The following HS2ST1 variants were observed in gnomAD, a reference collection of about 807,000 sequenced individuals.
HS2ST1 encodes heparan sulfate 2-O-sulfotransferase 1, also known as 2-O-sulfotransferase.
A neutral mutation model predicts 42.9 loss-of-function variants in HS2ST1; 18 were observed. That is an observed-to-expected ratio of 0.42 (90% CI 0.29 to 0.62). HS2ST1 has a LOEUF of 0.62. Ranked by LOEUF, HS2ST1 falls within the 20% of genes least tolerant of loss-of-function variation. The pLI, the probability that HS2ST1 is intolerant of heterozygous loss-of-function variation, is 0.21. For missense variants in HS2ST1, 334 were observed against 433.8 expected, an observed-to-expected ratio of 0.77 and a Z score of 2.04; for synonymous variants, 146 against 152.9, an observed-to-expected ratio of 0.95 and a Z score of 0.33.
intron 1 of HS2ST1, among the ~76,000 whole-genome samples, chr1:87,027,066 G>A (rs1425711913): frequency 8.5e-5 from 13 of 152,118 alleles, no homozygotes. Context: ...GAAAATATGA[G>A]TAAGTTAACA....
intron 1 of HS2ST1, among the ~76,000 whole-genome samples, chr1:86,919,870 T>A (rs1438928215): frequency 1.3e-5 from 2 of 152,214 alleles, no homozygotes; most frequent in Admixed American, 1.3e-4. Context: ...AGTTAATACT[T>A]CATTGTATTA....
At chr1:86,962,985 A>G (rs533425978) in intron 1 of HS2ST1, among the ~76,000 whole-genome samples, 1 of 152,172 alleles carries the variant, frequency 6.6e-6, no homozygotes, top group Admixed American at 6.5e-5. Flanking sequence ...ACCCCTAGAA[A>G]AAGGTGGTAG....
intron 1 of HS2ST1, among the ~76,000 whole-genome samples, chr1:87,027,215 C>G (rs1288664653): frequency 6.6e-6 from 1 of 152,174 alleles, no homozygotes; most frequent in Non-Finnish European, 1.5e-5. Context: ...CTTCCACACC[C>G]TATTTGGTAT....
chr1:87,025,194 C>G (rs1570494088), intron 1 of HS2ST1, among the ~76,000 whole-genome samples: 1 of 148,722 alleles, frequency 6.7e-6, no homozygotes, highest in South Asian at 2.2e-4. Flanking sequence ...AAGTGAAGAA[C>G]AGGGGACCTG....
In HS2ST1 at chr1:87,080,842, G is replaced by A. The variant is rs199499224; in HGVS notation, c.364-3352G>A. On this transcript the variant is annotated intron_variant, in intron 2 of 6. Transcript: ENST00000370550. ...CTGTCACATCAGAAAGTAACAAGGG[G>A]CAGAGCTCAGCTGGTGCCCACAGAA... Among the ~76,000 whole-genome samples, 3 of 152,126 alleles carry A rather than the reference G, an allele frequency of 2.0e-5. No individual in the cohort carries two copies. In the East Asian group the frequency reaches 5.8e-4, roughly 29 times the overall value.
intron 1 of HS2ST1, among the ~76,000 whole-genome samples, chr1:87,050,034 A>G (rs528593617): frequency 1.3e-5 from 2 of 152,024 alleles, no homozygotes; most frequent in African/African-American, 4.8e-5. Flanking sequence ...TTACTCTGAA[A>G]TCCATTTGTC....
intron 1 of HS2ST1, chr1:87,064,637 T>C (rs1241424949): frequency 1.6e-5 from 7 of 443,070 alleles, no homozygotes; most frequent in African/African-American, 1.0e-4. Flanking sequence ...CCCATGGTGA[T>C]TGTGCTCAGG....
intron 1 of HS2ST1, among the ~76,000 whole-genome samples, chr1:87,071,386 A>G (rs1457067444): frequency 6.6e-6 from 1 of 152,224 alleles, no homozygotes. Flanking sequence ...GTAAAACTGC[A>G]ATTATGATAA....
intron 1 of HS2ST1, among the ~76,000 whole-genome samples, chr1:86,931,250 A>G (rs1351639782): frequency 1.3e-5 from 2 of 152,090 alleles, no homozygotes; most frequent in African/African-American, 4.8e-5. Context: ...GTCCTGAAAA[A>G]GAGTTGAAGA....
chr1:86,927,356 G>A (rs1660444738), intron 1 of HS2ST1, among the ~76,000 whole-genome samples: 1 of 152,166 alleles, frequency 6.6e-6, no homozygotes, highest in Admixed American at 6.5e-5. Flanking sequence ...GAACCTGTGA[G>A]TACTCTAAAG....
In HS2ST1 at chr1:87,008,667, A is replaced by G. The variant is rs574236099; in HGVS notation, c.125-64267A>G. ...ATTTATTAGGAAACAATGCAGGATA[A>G]AATTGAAAAGACTTGGAGTGGGTAC... is the stretch of plus-strand genomic sequence containing the variant. On this transcript the variant is annotated intron_variant, in intron 1 of 6. Coordinates refer to ENST00000370550, the MANE Select transcript of HS2ST1 (RefSeq NM_012262.4). 7.0e-4 allele frequency among the ~76,000 whole-genome samples: 106 copies of G among 152,306 alleles called. 1 individual carries two copies. Among genetic ancestry groups the G allele is most frequent in the African/African-American group, 2.4e-3 (98 of 41,576 alleles).
rs141407345 is a variant in HS2ST1 at position 86,996,209 on chromosome 1, G to A, written c.125-76725G>A. Among the ~76,000 whole-genome samples, 447 of 152,076 alleles carry A rather than the reference G, an allele frequency of 2.9e-3. 2 individuals are homozygous for A. Among genetic ancestry groups the A allele is most frequent in the African/African-American group, 0.01 (425 of 41,498 alleles). On this transcript the variant is annotated intron_variant, in intron 1 of 6. Coordinates refer to ENST00000370550, the MANE Select transcript of HS2ST1 (RefSeq NM_012262.4). ...TGTAATCCCAGCACTTTGGGAGGCC[G>A]AGGCGGGCGGATCACTTGAGATTGG... is the stretch of plus-strand genomic sequence containing the variant.
intron 1 of HS2ST1, among the ~76,000 whole-genome samples, chr1:87,051,889 G>T (rs1287719238): frequency 6.6e-6 from 1 of 152,174 alleles, no homozygotes; most frequent in Admixed American, 6.5e-5. Context: ...AATTTTTAAA[G>T]ATTCATGAAA....
chr1:87,089,219 A>G (rs1425250840), intron 3 of HS2ST1, among the ~76,000 whole-genome samples: 1 of 152,072 alleles, frequency 6.6e-6, no homozygotes, highest in Non-Finnish European at 1.5e-5. Context: ...TTGTAAAAAA[A>G]TGAGCCTAGT....
Position 86,914,711 on chromosome 1 carries a change from C to CA in HS2ST1, c.-324dup. 3.1e-6 allele frequency: 1 copy of CA among 320,450 alleles called. No homozygotes were observed. Among genetic ancestry groups the CA allele is most frequent in the Non-Finnish European group, 5.8e-6 (1 of 172,028 alleles). The allele number at this position is 320,450 out of a possible 1,614,324, so 19.9% of individuals were successfully genotyped here. A position where few individuals can be genotyped will look rare whatever the true frequency, so the allele number is the denominator to read the frequency against. ...GAAGGAAGGAAGAGAGGGAGGCGGGCAAGCAGGCGGGCGCGGGGGTCGGGG... is the reference window on the plus strand; with the variant it reads ...GAAGGAAGGAAGAGAGGGAGGCGGGCAAAGCAGGCGGGCGCGGGGGTCGGGG... On this transcript the variant is annotated 5_prime_UTR_variant, in exon 1 of 7. Coordinates refer to ENST00000370550, the MANE Select transcript of HS2ST1 (RefSeq NM_012262.4).
At chr1:87,058,864 C>G (rs1423101489) in intron 1 of HS2ST1, among the ~76,000 whole-genome samples, 1 of 151,502 alleles carries the variant, frequency 6.6e-6, no homozygotes, top group Non-Finnish European at 1.5e-5. Flanking sequence ...ATCAAACCAT[C>G]CTGGCTAACA....
At chr1:87,025,647 A>G (rs560966197) in intron 1 of HS2ST1, among the ~76,000 whole-genome samples, 2 of 152,326 alleles carry the variant, frequency 1.3e-5, no homozygotes, top group Admixed American at 1.3e-4. Context: ...GCGTGTACAT[A>G]TACTTTCCAT....
intron 1 of HS2ST1, among the ~76,000 whole-genome samples, chr1:86,924,402 C>T (rs1206532471): frequency 6.6e-6 from 1 of 152,206 alleles, no homozygotes; most frequent in African/African-American, 2.4e-5. Flanking sequence ...TCTCACAGCG[C>T]CACTAGGTGG....
At chr1:86,934,663 C>T (rs1405314279) in intron 1 of HS2ST1, 2 of 152,508 alleles carry the variant, frequency 1.3e-5, no homozygotes, top group Non-Finnish European at 2.9e-5. Context: ...CACGGTGGCT[C>T]ACGCCAGTAA....
Sources: allele counts gnomAD v4.1 joint callset (sites outside exome capture counted in the v4.1 genomes callset), GRCh38; gene constraint gnomAD v4.1.1; transcripts MANE v1.5; gene names NCBI Gene and HGNC (gene_info 2026-07-23, HGNC 2026-07-21).